Variants in NWD2 observed in about 807,000 individuals in gnomAD.
NWD2 encodes the protein NACHT and WD repeat domain containing 2, also known as NACHT and WD repeat domain-containing protein 2.
In NWD2, 37 loss-of-function variants were observed where a neutral mutation model predicts 132.7. The observed-to-expected ratio is 0.28, with a 90% CI of 0.21 to 0.37. The LOEUF (loss-of-function observed/expected upper bound fraction) is 0.37. NWD2 is among the 10% of genes least tolerant of loss of function. The pLI is 1.00. For synonymous variants in NWD2, 705 were observed against 803.0 expected (o/e 0.88, Z 2.06); for missense variants, 1,592 against 2,122.4 (o/e 0.75, Z 4.91).
In NWD2 at chr4:37,439,248, CCTT is replaced by C; in HGVS notation, c.1157_1159del (p.Phe386del). On this transcript the variant is annotated inframe_deletion, in exon 6 of 7. Transcript: ENST00000309447. The surrounding 1 kb of genome is among the most constrained non-coding windows in gnomAD (Gnocchi z 4.5). ...TCATCATTATGTAAAACATACGCCT[CCTT>C]CTATGAGTACAAATGTGAATCTCTA... 6.4e-7 allele frequency: 1 copy of C among 1,551,298 alleles called. No individual in the cohort carries two copies.
chr4:37,343,908 T>G (rs542597991), intron 2 of NWD2, among the ~76,000 whole-genome samples: 1 of 152,184 alleles, frequency 6.6e-6, no homozygotes, highest in Non-Finnish European at 1.5e-5. Context: ...TATTTGCTGG[T>G]TTTTTGTTTT....
intron 3 of NWD2, among the ~76,000 whole-genome samples, chr4:37,410,696 C>A (rs751069698): frequency 5.9e-5 from 9 of 152,192 alleles, no homozygotes; most frequent in Non-Finnish European, 1.2e-4. Context: ...AATGTACATT[C>A]TTCTCAGCAC....
intron 1 of NWD2, among the ~76,000 whole-genome samples, chr4:37,284,397 T>C (rs1160347641): frequency 1.3e-5 from 2 of 152,206 alleles, no homozygotes; most frequent in Admixed American, 1.3e-4. Context: ...AACATATGAA[T>C]TTTGGAAGGG....
chr4:37,350,002 G>C (rs185324737), intron 2 of NWD2, among the ~76,000 whole-genome samples: 1 of 152,248 alleles, frequency 6.6e-6, no homozygotes, highest in African/African-American at 2.4e-5. Context: ...TTGTAGATAT[G>C]TGGCATTATT....
intron 3 of NWD2, among the ~76,000 whole-genome samples, chr4:37,362,521 C>T (rs1404350534): frequency 6.6e-6 from 1 of 152,184 alleles, no homozygotes; most frequent in Non-Finnish European, 1.5e-5. Context: ...AGCTGCACAC[C>T]TACAGCCATC....
chr4:37,337,257 C>T (rs1719428409), intron 2 of NWD2, among the ~76,000 whole-genome samples: 2 of 152,228 alleles, frequency 1.3e-5, no homozygotes, highest in South Asian at 2.1e-4. Context: ...ATTAATAGTC[C>T]TCATCTTAGT....
At chr4:37,352,541 T>C (rs908966416) in intron 2 of NWD2, among the ~76,000 whole-genome samples, 2 of 152,222 alleles carry the variant, frequency 1.3e-5, no homozygotes, top group African/African-American at 4.8e-5. Flanking sequence ...TGAATCTGGG[T>C]GCTCCTGTAT....
chr4:37,375,761 G>A (rs1720335079), intron 3 of NWD2, among the ~76,000 whole-genome samples: 1 of 152,052 alleles, frequency 6.6e-6, no homozygotes. Flanking sequence ...TAGAGACGGG[G>A]TTTCACCGTG....
chr4:37,275,057 A>C (rs1349544951), intron 1 of NWD2, among the ~76,000 whole-genome samples: 1 of 152,182 alleles, frequency 6.6e-6, no homozygotes, highest in African/African-American at 2.4e-5. Context: ...CCTATTCAAC[A>C]TAGTGTTGGA....
At chr4:37,293,003 G>A (rs1036885749) in intron 1 of NWD2, among the ~76,000 whole-genome samples, 2 of 152,190 alleles carry the variant, frequency 1.3e-5, no homozygotes, top group African/African-American at 4.8e-5. Flanking sequence ...GCTCTAAAAT[G>A]TCTATACCTA....
intron 1 of NWD2, among the ~76,000 whole-genome samples, chr4:37,289,887 C>CT (rs35900482): frequency 0.33 from 49,177 of 151,260 alleles, 8,396 homozygotes; most frequent in Middle Eastern, 0.38. Flanking sequence ...TCAGCAAAGG[C>CT]TTTTTTTTTC....
At chr4:37,342,085 C>T (rs1373829174) in intron 2 of NWD2, among the ~76,000 whole-genome samples, 1 of 152,182 alleles carries the variant, frequency 6.6e-6, no homozygotes, top group Admixed American at 6.5e-5. Flanking sequence ...TTTATCCCCT[C>T]CAAATCTCAT....
chr4:37,273,241 T>C (rs1178720066), intron 1 of NWD2, among the ~76,000 whole-genome samples: 1 of 151,802 alleles, frequency 6.6e-6, no homozygotes, highest in Middle Eastern at 3.2e-3. Flanking sequence ...CTAGCCCTCA[T>C]TGCTTCTGAT....
chr4:37,283,482 A>G (rs1718168808), intron 1 of NWD2, among the ~76,000 whole-genome samples: 2 of 152,206 alleles, frequency 1.3e-5, no homozygotes, highest in South Asian at 4.1e-4. Flanking sequence ...ATGTTTCAAT[A>G]AATTATAAAT....
chr4:37,276,576 G>A (rs1328551131), intron 1 of NWD2, among the ~76,000 whole-genome samples: 2 of 152,034 alleles, frequency 1.3e-5, no homozygotes, highest in African/African-American at 2.4e-5. Flanking sequence ...ATTTGACCCA[G>A]CCATCCTATT....
chr4:37,432,224 A>G (rs1369915228), intron 4 of NWD2, among the ~76,000 whole-genome samples: 1 of 152,084 alleles, frequency 6.6e-6, no homozygotes, highest in Non-Finnish European at 1.5e-5. Context: ...TCTGTCCTCT[A>G]CAGCTTCTAA....
At chr4:37,280,772 C>T (rs138504568) in intron 1 of NWD2, among the ~76,000 whole-genome samples, 2 of 152,232 alleles carry the variant, frequency 1.3e-5, no homozygotes, top group East Asian at 3.9e-4. Flanking sequence ...ATTGTTACCG[C>T]CCCAGGTCCA....
intron 3 of NWD2, among the ~76,000 whole-genome samples, chr4:37,369,263 T>C (rs1449578817): frequency 6.6e-6 from 1 of 151,746 alleles, no homozygotes; most frequent in African/African-American, 2.4e-5. Flanking sequence ...TTTCTTACAA[T>C]CTGTTTGAGG....
intron 1 of NWD2, among the ~76,000 whole-genome samples, chr4:37,263,939 A>G (rs1717699745): frequency 6.6e-6 from 1 of 152,198 alleles, no homozygotes; most frequent in Non-Finnish European, 1.5e-5. Context: ...ATTAAATAAT[A>G]CTTTCTGGGC....
Sources: gnomAD v4.1 joint callset for allele counts (sites outside exome capture counted in the v4.1 genomes callset) on GRCh38, gnomAD v4.1.1 for gene constraint, Gnocchi (gnomAD v3.1) non-coding constraint, MANE v1.5 for transcripts, NCBI Gene and HGNC (gene_info 2026-07-23, HGNC 2026-07-21) for gene names.